The following WNK1 variants were observed in gnomAD, a reference collection of about 807,000 sequenced individuals.
WNK1 encodes serine/threonine-protein kinase WNK1.
WNK1 carries 38 observed loss-of-function variants against 222.8 expected under a neutral mutation model. The observed-to-expected ratio is 0.17, with a 90% CI of 0.13 to 0.22. The LOEUF (loss-of-function observed/expected upper bound fraction) is 0.22. Among genes scored for constraint, WNK1 ranks in the 10% least tolerant of loss-of-function variants. The probability of loss-of-function intolerance (pLI) is 1.00; values close to 1 mark genes in which losing one functional copy is unlikely to be tolerated. For missense variants in WNK1, 2,348 were observed against 2,918.4 expected (o/e 0.80, Z 4.50); for synonymous variants, 1,090 against 1,092.9 (o/e 1.00, Z 0.05).
intron 2 of WNK1, among the ~76,000 whole-genome samples, chr12:817,163 A>T (rs1028024082): frequency 6.6e-6 from 1 of 152,178 alleles, no homozygotes; most frequent in Admixed American, 6.5e-5. Context: ...AGAGGATGAC[A>T]TAGTAGTGAG....
At chr12:862,376 G>GA (rs1951285341) in intron 8 of WNK1, 106 bp downstream of exon 8, 1 of 1,238,554 alleles carries the variant, frequency 8.1e-7, no homozygotes, top group Non-Finnish European at 1.2e-6. Flanking sequence ...GTCTGAAGTA[G>GA]AAAATATAAA....
intron 23 of WNK1, 140 bp from the exon 24 acceptor site, chr12:895,931 T>C: frequency 9.1e-7 from 1 of 1,095,686 alleles, no homozygotes; most frequent in South Asian, 1.5e-5. Context: ...TAGTCAAAAG[T>C]GGAGGCGCTA....
intron 2 of WNK1, among the ~76,000 whole-genome samples, chr12:824,776 TTTA>T (rs1187857406): frequency 7.9e-5 from 12 of 152,102 alleles, no homozygotes; most frequent in Non-Finnish European, 1.0e-4. Context: ...TTTCCAATAT[TTTA>T]TTATAAAATT....
chr12:791,626 C>G (rs150427726), intron 1 of WNK1, among the ~76,000 whole-genome samples: 2 of 151,250 alleles, frequency 1.3e-5, no homozygotes, highest in Admixed American at 1.3e-4. Flanking sequence ...AGATGGAAAT[C>G]CATTTTAGTT....
intron 16 of WNK1, 49 bp from the exon 17 acceptor site, chr12:883,725 C>A: frequency 6.2e-7 from 1 of 1,609,822 alleles, no homozygotes; most frequent in South Asian, 1.1e-5. Context: ...TTTGCCTAGT[C>A]ATTGAGATTG....
chr12:822,125 G>T (rs1423496650), intron 2 of WNK1, among the ~76,000 whole-genome samples: 2 of 110,864 alleles, frequency 1.8e-5, no homozygotes, highest in Non-Finnish European at 3.3e-5. Flanking sequence ...ACGGAGCCTC[G>T]CTCTGTTGCC....
At chr12:771,914 T>A (rs1417959828) in intron 1 of WNK1, among the ~76,000 whole-genome samples, 1 of 152,172 alleles carries the variant, frequency 6.6e-6, no homozygotes, top group Non-Finnish European at 1.5e-5. Flanking sequence ...CCTCCCAAAG[T>A]ATTGGGATTA....
chr12:871,273 G>T lies in WNK1; in HGVS notation c.2148G>T (p.Gly716=). Reference sequence around the variant, plus strand: ...TCACTTCTTTCCTTCAGGCACAGGGGCAGAGCCAGGGTCAGCCATCCTCAA... The same window carrying T: ...TCACTTCTTTCCTTCAGGCACAGGGTCAGAGCCAGGGTCAGCCATCCTCAA... ...GVYPPSSVAQ[G]QSQGQPSSSS... is the part of the protein sequence containing the mutation. The change falls in exon 9 of 28, where the codon GGG becomes GGT. Residue 716 remains glycine (G), a synonymous_variant. Coordinates refer to ENST00000315939, the MANE Select transcript of WNK1 (RefSeq NM_018979.4). 6.2e-7 allele frequency: 1 copy of T among 1,614,148 alleles called. No homozygotes were observed. The highest frequency in any genetic ancestry group is 1.7e-5 in the Admixed American group (1 of 60,022).
chr12:814,848 C>T (rs1161545327), intron 2 of WNK1, among the ~76,000 whole-genome samples: 1 of 152,190 alleles, frequency 6.6e-6, no homozygotes, highest in African/African-American at 2.4e-5. Context: ...AGTTATACAA[C>T]TCACCATAAT....
At chr12:798,815 C>A (rs1159843194) in intron 1 of WNK1, among the ~76,000 whole-genome samples, 1 of 152,096 alleles carries the variant, frequency 6.6e-6, no homozygotes, top group Non-Finnish European at 1.5e-5. Flanking sequence ...TCCTCCTTGA[C>A]ACTCGTGGTA....
In WNK1 at chr12:911,336, T is replaced by C. The variant is rs1956069825; in HGVS notation, c.*2544T>C. 5 of 398,078 alleles carry C rather than the reference T, an allele frequency of 1.3e-5. No homozygotes were observed. The highest frequency in any genetic ancestry group is 4.4e-5 in the Admixed American group (1 of 22,728). 24.7% of individuals were successfully genotyped at this position (398,078 alleles called of 1,614,324 possible). On this transcript the variant is annotated 3_prime_UTR_variant, in exon 28 of 28. Transcript: ENST00000315939. ...TTCTCAGCAGCCGTTAATTGTACATTTTGCACTAACTCTGGGTGTTGCGCT... is the reference window on the plus strand; with the variant it reads ...TTCTCAGCAGCCGTTAATTGTACATCTTGCACTAACTCTGGGTGTTGCGCT...
chr12:889,254 T>A (rs771337280), intron 21 of WNK1, 31 bp downstream of exon 21: 10 of 1,560,170 alleles, frequency 6.4e-6, no homozygotes, highest in Non-Finnish European at 8.8e-6. Flanking sequence ...TAAAATCTCC[T>A]CATAACCCTA....
chr12:874,417 G>A (rs1176110525), intron 9 of WNK1, among the ~76,000 whole-genome samples: 1 of 152,172 alleles, frequency 6.6e-6, no homozygotes, highest in Non-Finnish European at 1.5e-5. Context: ...TAAACAACTG[G>A]TTTAGAGATC....
chr12:897,413 C>A (rs1017112585), intron 24 of WNK1, 66 bp from the exon 25 acceptor site: 5 of 1,024,572 alleles, frequency 4.9e-6, no homozygotes, highest in Non-Finnish European at 6.2e-6. Flanking sequence ...TAGGAATATG[C>A]TGTTAATTCT....
chr12:758,788 T>G (rs922504462), intron 1 of WNK1, among the ~76,000 whole-genome samples: 2 of 147,006 alleles, frequency 1.4e-5, no homozygotes, highest in Non-Finnish European at 3.0e-5. Context: ...AGTCACCGAT[T>G]AGGAGTATTG....
At chr12:788,841 C>T (rs759948838) in intron 1 of WNK1, among the ~76,000 whole-genome samples, 2 of 149,730 alleles carry the variant, frequency 1.3e-5, no homozygotes, top group African/African-American at 2.5e-5. Flanking sequence ...GAGCCGAGAT[C>T]GTGCCACTAC....
chr12:900,837 C>A, intron 26 of WNK1, 167 bp downstream of exon 26: 1 of 855,760 alleles, frequency 1.2e-6, no homozygotes, highest in Non-Finnish European at 1.9e-6. Context: ...TAATGAGAAT[C>A]GGTGGGCTCA....
In WNK1 at chr12:900,460, C is replaced by T. The variant is rs780767372; in HGVS notation, c.6449-16C>T. On this transcript the variant is annotated splice_polypyrimidine_tract_variant and intron_variant, in intron 25 of 27. Transcript: ENST00000315939. ...GAGCTGGACATGTTTCCTCATGCCA[C>T]TTTATCTTTTGGCAGGTAACCTGTC... is the stretch of plus-strand genomic sequence containing the variant. 1.2e-6 allele frequency: 2 copies of T among 1,614,118 alleles called. No individual in the cohort carries two copies. The highest frequency in any genetic ancestry group is 1.1e-5 in the South Asian group (1 of 91,080).
At chr12:835,771 G>A (rs1949130832) in intron 4 of WNK1, among the ~76,000 whole-genome samples, 1 of 152,130 alleles carries the variant, frequency 6.6e-6, no homozygotes, top group African/African-American at 2.4e-5. Context: ...TGGCCAACAT[G>A]GTGAAACCCC....
Sources: allele counts gnomAD v4.1 joint callset (sites outside exome capture counted in the v4.1 genomes callset), GRCh38; gene constraint gnomAD v4.1.1; transcripts MANE v1.5; gene names NCBI Gene and HGNC (gene_info 2026-07-23, HGNC 2026-07-21).